Variants in INPP5D observed in about 807,000 individuals in gnomAD.
INPP5D encodes phosphatidylinositol 3,4,5-trisphosphate 5-phosphatase 1.
Under a neutral mutation model 122.9 loss-of-function variants are expected in INPP5D, and 33 were observed. The observed-to-expected ratio is 0.27, with a 90% CI of 0.20 to 0.36. The LOEUF (loss-of-function observed/expected upper bound fraction) is 0.36, where lower values mean the gene tolerates loss of function less well. INPP5D is among the 10% of genes least tolerant of loss of function. The pLI, the probability that INPP5D is intolerant of heterozygous loss-of-function variation, is 1.00. For synonymous variants in INPP5D, 584 were observed against 576.2 expected (o/e 1.01, Z -0.19); for missense variants, 1,053 against 1,412.7 (o/e 0.75, Z 4.08).
chr2:233,102,849 C>CAAA (rs543054221), intron 2 of INPP5D, among the ~76,000 whole-genome samples: 1 of 88,844 alleles, frequency 1.1e-5, no homozygotes, highest in African/African-American at 4.0e-5. Flanking sequence ...GACTCCGTCT[C>CAAA]AAAAAAAAAA....
At chr2:233,117,897 C>T (rs61672111) in intron 2 of INPP5D, among the ~76,000 whole-genome samples, 4,110 of 152,276 alleles carry the variant, frequency 0.027, 198 homozygotes, top group African/African-American at 0.094. Flanking sequence ...CCCTCCCTGA[C>T]CATCCCTCCT....
At chr2:233,167,251 G>T (rs980943186) in intron 13 of INPP5D, among the ~76,000 whole-genome samples, 1 of 151,100 alleles carries the variant, frequency 6.6e-6, no homozygotes. Flanking sequence ...CATGCCTGTG[G>T]GCCCAGCTAC....
chr2:233,123,229 G>A (rs1469962997), intron 3 of INPP5D, among the ~76,000 whole-genome samples: 1 of 152,206 alleles, frequency 6.6e-6, no homozygotes, highest in Non-Finnish European at 1.5e-5. Flanking sequence ...ACAGAGGCGG[G>A]CAGATCACGA....
intron 25 of INPP5D, among the ~76,000 whole-genome samples, chr2:233,202,387 A>C (rs1406478072): frequency 6.6e-6 from 1 of 152,300 alleles, no homozygotes; most frequent in African/African-American, 2.4e-5. Flanking sequence ...CTATGTATGC[A>C]CCTGCTCTAA....
At chr2:233,161,676 G>T (rs1393265195) in intron 10 of INPP5D, 48 bp from the exon 11 acceptor site, 1 of 1,567,630 alleles carries the variant, frequency 6.4e-7, no homozygotes, top group Non-Finnish European at 8.6e-7. Flanking sequence ...AGTGTAATGT[G>T]CAGGGAGGCA....
At chr2:233,158,482 G>C (rs1446350001) in intron 10 of INPP5D, 63 bp downstream of exon 10, 19 of 658,938 alleles carry the variant, frequency 2.9e-5, no homozygotes, top group Non-Finnish European at 5.2e-5. Context: ...GCGTTTTGAG[G>C]CTCGCTGTGT....
intron 14 of INPP5D, 32 bp from the exon 15 acceptor site, chr2:233,169,994 C>G: frequency 6.2e-7 from 1 of 1,613,564 alleles, no homozygotes; most frequent in South Asian, 1.1e-5. Context: ...CCAGTGACCC[C>G]GTGCTAGATG....
chr2:233,149,167 G>C (rs1486736463), intron 9 of INPP5D, among the ~76,000 whole-genome samples: 2 of 139,092 alleles, frequency 1.4e-5, no homozygotes, highest in African/African-American at 5.5e-5. Flanking sequence ...GCAGTGCCAC[G>C]ATCTTGGCTC....
intron 1 of INPP5D, among the ~76,000 whole-genome samples, chr2:233,075,627 C>T (rs964067404): frequency 1.3e-5 from 2 of 151,334 alleles, no homozygotes; most frequent in South Asian, 4.2e-4. Flanking sequence ...GTATATAGGA[C>T]CAGAGTGAAG....
intron 4 of INPP5D, among the ~76,000 whole-genome samples, chr2:233,126,147 G>A (rs1326752881): frequency 6.6e-6 from 1 of 152,246 alleles, no homozygotes; most frequent in Admixed American, 6.5e-5. Flanking sequence ...CCACGGGGGT[G>A]GGGGAGCACT....
chr2:233,071,352 C>T (rs1252082578), intron 1 of INPP5D, among the ~76,000 whole-genome samples: 1 of 151,960 alleles, frequency 6.6e-6, no homozygotes, highest in African/African-American at 2.4e-5. Context: ...TTTCCCAAAA[C>T]CTCTTACTGA....
intron 6 of INPP5D, chr2:233,140,971 C>G (rs1418874909): frequency 6.6e-6 from 1 of 152,196 alleles, no homozygotes; most frequent in African/African-American, 2.4e-5. Context: ...TCAACCTCAC[C>G]TTGTTAGTAA....
In INPP5D at chr2:233,060,399, TGGAG is replaced by T; in HGVS notation, c.-77_-74del. On this transcript the variant is annotated 5_prime_UTR_variant, in exon 1 of 27. Coordinates refer to ENST00000445964, the MANE Select transcript of INPP5D (RefSeq NM_001017915.3). Reference sequence around the variant, plus strand: ...AGAGGCAACGGGCGGCAGGTTGCAGTGGAGGGGCCTCCGCTCCCCTCGGTGGTGT... The same window carrying T: ...AGAGGCAACGGGCGGCAGGTTGCAGTGGGCCTCCGCTCCCCTCGGTGGTGT... 6.9e-7 allele frequency: 1 copy of T among 1,458,246 alleles called. No individual in the cohort carries two copies. Among genetic ancestry groups the T allele is most frequent in the Admixed American group, 2.4e-5 (1 of 42,184 alleles). The allele number at this position is 1,458,246 out of a possible 1,614,324, so 90.3% of individuals were successfully genotyped here. A position where few individuals can be genotyped will look rare whatever the true frequency, so the allele number is the denominator to read the frequency against.
chr2:233,105,933 C>A lies in INPP5D; in HGVS notation c.199-16174C>A, dbSNP rs984142372. On this transcript the variant is annotated intron_variant, in intron 2 of 26. Coordinates refer to ENST00000445964, the MANE Select transcript of INPP5D (RefSeq NM_001017915.3). The surrounding 1 kb of genome is among the most constrained non-coding windows in gnomAD (Gnocchi z 4.0). ...CAGTGGCCACTGGGAGGTCAGAGAG[C>A]AGTCGCTATGGGAATGAGCATGTGG... 2.0e-5 allele frequency among the ~76,000 whole-genome samples: 3 copies of A among 152,176 alleles called. No individual in the cohort carries two copies. The highest frequency in any genetic ancestry group is 7.2e-5 in the African/African-American group (3 of 41,432).
chr2:233,130,664 C>T lies in INPP5D; in HGVS notation c.665+16C>T, dbSNP rs1369017642. On this transcript the variant is annotated intron_variant, in intron 5 of 26. Coordinates refer to ENST00000445964, the MANE Select transcript of INPP5D (RefSeq NM_001017915.3). ...AGCTCTATGGGTAATGGCTGGCCCA[C>T]GGGGGCGGGCAGGTGGGGGCGGCCA... 50 of 1,613,338 alleles carry T rather than the reference C, an allele frequency of 3.1e-5. 1 individual carries two copies. Among genetic ancestry groups the T allele is most frequent in the South Asian group, 7.7e-5 (7 of 91,054 alleles).
At chr2:233,099,241 G>A (rs1692236252) in intron 2 of INPP5D, among the ~76,000 whole-genome samples, 1 of 152,074 alleles carries the variant, frequency 6.6e-6, no homozygotes. Context: ...GTGAGCCACC[G>A]TGCCCAGCCG....
At chr2:233,075,882 A>C (rs1475123810) in intron 1 of INPP5D, among the ~76,000 whole-genome samples, 1 of 152,100 alleles carries the variant, frequency 6.6e-6, no homozygotes, top group East Asian at 1.9e-4. Context: ...ACATCTGCTG[A>C]GATGTTACTG....
chr2:233,152,592 A>G (rs184244547), intron 9 of INPP5D, among the ~76,000 whole-genome samples: 99 of 152,352 alleles, frequency 6.5e-4, no homozygotes, highest in Middle Eastern at 6.8e-3. Flanking sequence ...AAAATATGAC[A>G]GTAATGGGGA....
At position 233,078,481 on chromosome 2, in the gene INPP5D, C is replaced by T. The variant is rs193231908; in HGVS notation, c.135-854C>T. On this transcript the variant is annotated intron_variant, in intron 1 of 26. Coordinates refer to ENST00000445964, the MANE Select transcript of INPP5D (RefSeq NM_001017915.3). This position sits in a 1 kb window ranked among gnomAD's most constrained non-coding sequence, Gnocchi z 4.6. ...TGGCCAACCCCTGGGAGATAATCCA[C>T]GGGGCATAGTGTCCAAGAGGATGAA... 4.6e-5 allele frequency among the ~76,000 whole-genome samples: 7 copies of T among 152,252 alleles called. No individual in the cohort carries two copies. The East Asian group carries it at 9.7e-4, about 21-fold the overall frequency.
Sources: gnomAD v4.1 joint callset for allele counts (sites outside exome capture counted in the v4.1 genomes callset) on GRCh38, gnomAD v4.1.1 for gene constraint, Gnocchi (gnomAD v3.1) non-coding constraint, MANE v1.5 for transcripts, NCBI Gene and HGNC (gene_info 2026-07-23, HGNC 2026-07-21) for gene names.